The following PTPRD variants were observed in gnomAD, a reference collection of about 807,000 sequenced individuals.
The protein encoded by PTPRD is protein tyrosine phosphatase receptor type D, also known as receptor-type tyrosine-protein phosphatase delta.
A neutral mutation model predicts 214.5 loss-of-function variants in PTPRD; 34 were observed. The ratio of observed to expected loss-of-function variants is 0.16; its 90% CI spans 0.12 to 0.21. The LOEUF (loss-of-function observed/expected upper bound fraction) is 0.21, where lower values mean the gene tolerates loss of function less well. Among genes scored for constraint, PTPRD ranks in the 10% least tolerant of loss-of-function variants. The probability of loss-of-function intolerance (pLI) is 1.00; values close to 1 mark genes in which losing one functional copy is unlikely to be tolerated. For missense variants in PTPRD, 2,545 were observed against 2,398.7 expected (o/e 1.06, Z -1.27); for synonymous variants, 1,128 against 845.7 (o/e 1.33, Z -5.79).
intron 2 of PTPRD, among the ~76,000 whole-genome samples, chr9:10,591,813 C>T (rs1442853490): frequency 6.6e-6 from 1 of 152,068 alleles, no homozygotes; most frequent in Non-Finnish European, 1.5e-5. Flanking sequence ...GCTTATTTCA[C>T]CTCTATTTCC....
intron 5 of PTPRD, among the ~76,000 whole-genome samples, chr9:9,787,420 T>TAAAAAAAAAA (rs34947415): frequency 7.6e-6 from 1 of 131,432 alleles, no homozygotes. Flanking sequence ...GTCAACTATG[T>TAAAAAAAAAA]AAAAAAAAAA....
At chr9:9,338,476 C>T (rs1480787305) in intron 9 of PTPRD, among the ~76,000 whole-genome samples, 1 of 152,030 alleles carries the variant, frequency 6.6e-6, no homozygotes, top group African/African-American at 2.4e-5. Context: ...AGTTAAAAAA[C>T]ATTTTAATTT....
At chr9:9,392,912 C>A (rs1328752854) in intron 9 of PTPRD, among the ~76,000 whole-genome samples, 2 of 152,070 alleles carry the variant, frequency 1.3e-5, no homozygotes, top group Non-Finnish European at 2.9e-5. Context: ...AAAGGGCTTC[C>A]TGGAGAACCT....
At chr9:8,618,906 G>GTTTTTTT (rs1270022921) in intron 14 of PTPRD, among the ~76,000 whole-genome samples, 4 of 96,776 alleles carry the variant, frequency 4.1e-5, no homozygotes, top group African/African-American at 1.6e-4. Flanking sequence ...GTTTGTCTGT[G>GTTTTTTT]TTTTTTTGTT....
chr9:10,407,026 T>C (rs2098373408), intron 2 of PTPRD, among the ~76,000 whole-genome samples: 1 of 151,764 alleles, frequency 6.6e-6, no homozygotes, highest in Non-Finnish European at 1.5e-5. Context: ...CACAATTTCC[T>C]ATAGTATTTT....
intron 2 of PTPRD, among the ~76,000 whole-genome samples, chr9:10,494,933 A>C (rs2041586347): frequency 6.6e-6 from 1 of 151,718 alleles, no homozygotes; most frequent in South Asian, 2.1e-4. Context: ...CAGATTTGGT[A>C]ATCAAATGTA....
chr9:8,599,613 C>CTTT (rs1172437057), intron 14 of PTPRD, among the ~76,000 whole-genome samples: 6 of 53,428 alleles, frequency 1.1e-4, no homozygotes, highest in South Asian at 8.4e-4. Context: ...CCCGCCCACC[C>CTTT]TTTTTTTTTT....
intron 9 of PTPRD, among the ~76,000 whole-genome samples, chr9:9,277,639 T>C (rs1463080561): frequency 6.6e-6 from 1 of 151,252 alleles, no homozygotes. Flanking sequence ...TATAATAAAC[T>C]ATGGAAAATG....
chr9:8,911,440 T>TGTGTGTGTGA (rs1171435442), intron 11 of PTPRD, among the ~76,000 whole-genome samples: 2 of 149,014 alleles, frequency 1.3e-5, no homozygotes, highest in African/African-American at 5.0e-5. Flanking sequence ...TGTGTGTGTG[T>TGTGTGTGTGA]GAGAGAGAGA....
intron 3 of PTPRD, among the ~76,000 whole-genome samples, chr9:10,305,770 C>A (rs140965394): frequency 4.8e-3 from 735 of 152,146 alleles, no homozygotes; most frequent in African/African-American, 0.017. Flanking sequence ...AGTCAGGAAA[C>A]AACAGATGCC....
intron 3 of PTPRD, among the ~76,000 whole-genome samples, chr9:10,147,995 T>TCC (rs1239483379): frequency 6.6e-6 from 1 of 152,188 alleles, no homozygotes; most frequent in Non-Finnish European, 1.5e-5. Context: ...AGGGCTTTGA[T>TCC]CCACGTTTTG....
Position 9,593,478 on chromosome 9 carries a change from T to G in PTPRD, c.-286-18697A>C, listed in dbSNP as rs148984878. Among the ~76,000 whole-genome samples the G allele has an allele frequency of 1.7e-3, 258 of 152,092 alleles. No homozygotes were observed. The East Asian group carries it at 0.021, about 12-fold the overall frequency. ...GTTGTTGCTCGGATTTTATAGCCTATAGAAGACATATTTGAGAGAATATGG... is the reference window on the plus strand; with the variant it reads ...GTTGTTGCTCGGATTTTATAGCCTAGAGAAGACATATTTGAGAGAATATGG... On this transcript the variant is annotated intron_variant, in intron 7 of 45. Transcript: ENST00000381196.
chr9:10,217,572 A>G (rs759174122), intron 3 of PTPRD, among the ~76,000 whole-genome samples: 1 of 151,970 alleles, frequency 6.6e-6, no homozygotes, highest in Non-Finnish European at 1.5e-5. Flanking sequence ...GTAGGAGGCC[A>G]CCACCAGTAT....
chr9:9,286,150 T>A (rs917597265), intron 9 of PTPRD, among the ~76,000 whole-genome samples: 4 of 151,908 alleles, frequency 2.6e-5, no homozygotes, highest in African/African-American at 9.7e-5. Flanking sequence ...CCACTTCACA[T>A]TTCATTGGTC....
At chr9:8,537,489 T>C (rs545315517) in intron 14 of PTPRD, among the ~76,000 whole-genome samples, 1 of 152,198 alleles carries the variant, frequency 6.6e-6, no homozygotes, top group South Asian at 2.1e-4. Context: ...GATAGTATGC[T>C]TGTCTTAATA....
chr9:8,702,782 T>C (rs1365913375), intron 12 of PTPRD, among the ~76,000 whole-genome samples: 2 of 152,168 alleles, frequency 1.3e-5, no homozygotes, highest in Non-Finnish European at 2.9e-5. Flanking sequence ...GAATTTTTTG[T>C]ATTTTTAGTA....
chr9:8,519,346 C>G (rs2097847457), intron 20 of PTPRD, among the ~76,000 whole-genome samples: 1 of 152,134 alleles, frequency 6.6e-6, no homozygotes, highest in South Asian at 2.1e-4. Flanking sequence ...CAAAATACTA[C>G]TAATTAAAAA....
intron 8 of PTPRD, among the ~76,000 whole-genome samples, chr9:9,547,417 T>C (rs2079056861): frequency 6.6e-6 from 1 of 152,106 alleles, no homozygotes; most frequent in Non-Finnish European, 1.5e-5. Context: ...GTGAAATTTT[T>C]GTTTGGTTCT....
chr9:8,506,483 G>A (rs935497378), intron 22 of PTPRD, among the ~76,000 whole-genome samples: 2 of 152,126 alleles, frequency 1.3e-5, no homozygotes, highest in African/African-American at 2.4e-5. Context: ...GACCCTAACC[G>A]TTAACAACAC....
Sources: allele counts gnomAD v4.1 joint callset (sites outside exome capture counted in the v4.1 genomes callset), GRCh38; gene constraint gnomAD v4.1.1; transcripts MANE v1.5; gene names NCBI Gene and HGNC (gene_info 2026-07-23, HGNC 2026-07-21).